PCDHGB2: variants seen among roughly 807,000 people sequenced by gnomAD.
PCDHGB2 encodes the protein protocadherin gamma-B2.
A neutral mutation model predicts 59.3 loss-of-function variants in PCDHGB2; 55 were observed. The observed-to-expected ratio is 0.93, with a 90% CI of 0.75 to 1.16. PCDHGB2 has a LOEUF of 1.16. Ranked by LOEUF, PCDHGB2 falls within the 50% of genes most tolerant of loss-of-function variation. PCDHGB2 has a pLI of 0.00. For synonymous variants in PCDHGB2, 516 were observed against 512.0 expected, an observed-to-expected ratio of 1.01 and a Z score of -0.11; for missense variants, 1,228 against 1,198.5, an observed-to-expected ratio of 1.02 and a Z score of -0.36.
In PCDHGB2 at chr5:141,430,720, T is replaced by C. The variant is rs369549088; in HGVS notation, c.2422-64087T>C. On this transcript the variant is annotated intron_variant, in intron 1 of 3. Transcript: ENST00000522605. ...AAGGAACTGCTCCTGACTTCAGTGG[T>C]TAAGGGCAGAATTGAAAATAATTCT... The C allele has an allele frequency of 4.9e-4, 734 of 1,486,386 alleles. 1 individual carries two copies. Among genetic ancestry groups the C allele is most frequent in the Middle Eastern group, 9.1e-4 (5 of 5,506 alleles). The allele number at this position is 1,486,386 out of a possible 1,614,324, so 92.1% of individuals were successfully genotyped here.
At position 141,490,406 on chromosome 5, in the gene PCDHGB2, T is replaced by G; in HGVS notation, c.2422-4401T>G. On this transcript the variant is annotated intron_variant, in intron 1 of 3. Transcript: ENST00000522605. This position sits in a 1 kb window ranked among gnomAD's most constrained non-coding sequence, Gnocchi z 5.4. ...AGAAATGGTGAAGTGAGCCTTGATA[T>G]CTCTCCGGACCTGCCATTTCAGATT... is the stretch of plus-strand genomic sequence containing the variant. The G allele has an allele frequency of 1.9e-6, 3 of 1,614,112 alleles. No individual in the cohort carries two copies. Among genetic ancestry groups the G allele is most frequent in the Non-Finnish European group, 2.5e-6 (3 of 1,180,020 alleles).
intron 1 of PCDHGB2, among the ~76,000 whole-genome samples, chr5:141,459,160 T>C (rs1330588092): frequency 6.6e-6 from 1 of 152,228 alleles, no homozygotes; most frequent in African/African-American, 2.4e-5. Context: ...AGAACATTTC[T>C]ATAACCTTCA....
intron 1 of PCDHGB2, chr5:141,427,783 C>T (rs765131117): frequency 1.4e-6 from 2 of 1,460,966 alleles, no homozygotes; most frequent in Non-Finnish European, 1.9e-6. Flanking sequence ...CGGGCACTGT[C>T]GTCCTACGTG....
chr5:141,409,690 A>T (rs778962490), intron 1 of PCDHGB2: 1 of 1,613,354 alleles, frequency 6.2e-7, no homozygotes, highest in South Asian at 1.1e-5. Context: ...CGAGTGACCT[A>T]GAGCCCCTGG....
chr5:141,379,709 C>G (rs1200100284), intron 1 of PCDHGB2: 1 of 152,094 alleles, frequency 6.6e-6, no homozygotes, highest in Non-Finnish European at 1.5e-5. Context: ...AACATCCTGG[C>G]AGTCATGGAA....
At position 141,485,343 on chromosome 5, in the gene PCDHGB2, A is replaced by G; in HGVS notation, c.2422-9464A>G. ...GCTCAAGATTTCCTGCTGGATACGG[A>G]CAGTCTGTCAGCTCGCAGGCTGCAG... On this transcript the variant is annotated intron_variant, in intron 1 of 3. Transcript: ENST00000522605. This position sits in a 1 kb window ranked among gnomAD's most constrained non-coding sequence, Gnocchi z 5.7. 1 of 1,614,062 alleles carries G rather than the reference A, an allele frequency of 6.2e-7. No homozygotes were observed. Among genetic ancestry groups the G allele is most frequent in the Non-Finnish European group, 8.5e-7 (1 of 1,179,984 alleles).
At chr5:141,382,683 G>A in intron 1 of PCDHGB2, 1 of 444,266 alleles carries the variant, frequency 2.3e-6, no homozygotes, top group Non-Finnish European at 4.0e-6. Context: ...ACCAACCAGG[G>A]AAAAATGGTG....
Position 141,361,618 on chromosome 5 carries a change from G to C in PCDHGB2, c.1483G>C (p.Asp495His). The part of the protein sequence containing the change: ...GQVSYSIVAS[D>H]LKPREILSYV... The stretch of plus-strand genomic sequence containing the variant: ...AGTTTCCTACTCCATCGTAGCGAGC[G>C]ACCTGAAGCCGCGGGAGATTTTATC... The change falls in exon 1 of 4, where the codon GAC (aspartate) becomes CAC (histidine). Residue 495 changes from aspartate (D) to histidine (H), a missense_variant. Asp to His is a moderately conservative substitution (Grantham distance 81). Transcript: ENST00000522605. The C allele has an allele frequency of 6.2e-7, 1 of 1,613,956 alleles. No homozygotes were observed. The highest frequency in any genetic ancestry group is 8.5e-7 in the Non-Finnish European group (1 of 1,179,902).
chr5:141,458,949 T>A (rs948180008), intron 1 of PCDHGB2, among the ~76,000 whole-genome samples: 1 of 151,814 alleles, frequency 6.6e-6, no homozygotes, highest in East Asian at 1.9e-4. Flanking sequence ...CTTAGGTTGG[T>A]CACAAATTCA....
At chr5:141,425,258 G>T (rs965944291) in intron 1 of PCDHGB2, among the ~76,000 whole-genome samples, 2 of 152,134 alleles carry the variant, frequency 1.3e-5, no homozygotes, top group Non-Finnish European at 2.9e-5. Context: ...GAGGTATTTG[G>T]CTGGGAAAAG....
At chr5:141,484,499 A>G (rs567556335) in intron 1 of PCDHGB2, among the ~76,000 whole-genome samples, 20 of 152,344 alleles carry the variant, frequency 1.3e-4, no homozygotes, top group African/African-American at 4.6e-4. Flanking sequence ...CCGTTTCTGA[A>G]TATTCTGCAG....
chr5:141,384,134 G>A (rs746106528), intron 1 of PCDHGB2: 1 of 1,611,962 alleles, frequency 6.2e-7, no homozygotes, highest in Admixed American at 1.7e-5. Flanking sequence ...AACTTGGACC[G>A]GGAAACACTC....
chr5:141,489,151 A>G lies in PCDHGB2; in HGVS notation c.2422-5656A>G. On this transcript the variant is annotated intron_variant, in intron 1 of 3. Transcript: ENST00000522605. This position sits in a 1 kb window ranked among gnomAD's most constrained non-coding sequence, Gnocchi z 4.5. ...TTTTTAAGAGGCTGGAAGGAGACAT[A>G]AGAGACTTCAGCTGCTGCATTCCAA... is the stretch of plus-strand genomic sequence containing the variant. The G allele has an allele frequency of 4.3e-6, 4 of 932,968 alleles. No individual in the cohort carries two copies. Among genetic ancestry groups the G allele is most frequent in the Non-Finnish European group, 6.4e-6 (4 of 622,052 alleles). 57.8% of individuals were successfully genotyped at this position (932,968 alleles called of 1,614,324 possible).
chr5:141,389,874 G>A, intron 1 of PCDHGB2: 1 of 1,614,072 alleles, frequency 6.2e-7, no homozygotes, highest in Non-Finnish European at 8.5e-7. Context: ...GGTCTTCGCC[G>A]ACAGCTTGCA....
intron 1 of PCDHGB2, chr5:141,393,947 G>T: frequency 6.2e-7 from 1 of 1,613,972 alleles, no homozygotes; most frequent in Non-Finnish European, 8.5e-7. Context: ...ACTCTGGAAA[G>T]AATGGTCAAG....
intron 1 of PCDHGB2, chr5:141,389,322 G>A: frequency 6.2e-7 from 1 of 1,613,984 alleles, no homozygotes; most frequent in East Asian, 2.2e-5. Flanking sequence ...TCCGGACTTG[G>A]GGCCCAACGG....
chr5:141,461,773 C>T (rs894271810), intron 1 of PCDHGB2, among the ~76,000 whole-genome samples: 3 of 152,108 alleles, frequency 2.0e-5, no homozygotes, highest in Non-Finnish European at 4.4e-5. Context: ...CCTGCCTCAG[C>T]CTCCCAAGTA....
At chr5:141,458,217 T>C (rs1026901943) in intron 1 of PCDHGB2, among the ~76,000 whole-genome samples, 1 of 152,210 alleles carries the variant, frequency 6.6e-6, no homozygotes, top group Admixed American at 6.5e-5. Context: ...AAAATAAGTT[T>C]CCTTTCCCAG....
intron 1 of PCDHGB2, chr5:141,365,174 C>A: frequency 6.2e-7 from 1 of 1,613,878 alleles, no homozygotes; most frequent in Non-Finnish European, 8.5e-7. Flanking sequence ...CTACTCTTTT[C>A]GCAATGAAGA....
Sources: gnomAD v4.1 joint callset for allele counts (sites outside exome capture counted in the v4.1 genomes callset) on GRCh38, gnomAD v4.1.1 for gene constraint, Gnocchi (gnomAD v3.1) non-coding constraint, MANE v1.5 for transcripts, NCBI Gene and HGNC (gene_info 2026-07-23, HGNC 2026-07-21) for gene names.